The following TMEM156 variants were observed in gnomAD, a reference collection of about 807,000 sequenced individuals.
The protein encoded by TMEM156 is transmembrane protein 156.
In TMEM156, 28 loss-of-function variants were observed where a neutral mutation model predicts 30.5. That is an observed-to-expected ratio of 0.92 (90% CI 0.68 to 1.26). The LOEUF is 1.26. Among genes scored for constraint, TMEM156 ranks in the 50% most tolerant of loss-of-function variants. The pLI is 0.00. For missense variants in TMEM156, 351 were observed against 340.6 expected (o/e 1.03, Z -0.24); for synonymous variants, 137 against 119.9 (o/e 1.14, Z -0.93).
chr4:38,967,193 CTTTTAA>C lies in TMEM156; in HGVS notation c.*481_*486del, dbSNP rs959238800. The C allele has an allele frequency of 6.6e-6, 1 of 152,138 alleles. No individual in the cohort carries two copies. Among genetic ancestry groups the C allele is most frequent in the African/African-American group, 2.4e-5 (1 of 41,418 alleles). The allele number at this position is 152,138 out of a possible 1,614,324, so 9.4% of individuals were successfully genotyped here. ...TAAATAAACAACCAGGCCCTCTTCC[CTTTTAA>C]ATAATCTGTGAAATAAAAATAATCT... On this transcript the variant is annotated 3_prime_UTR_variant, in exon 7 of 7. Coordinates refer to ENST00000381938, the MANE Select transcript of TMEM156 (RefSeq NM_024943.3).
intron 5 of TMEM156, among the ~76,000 whole-genome samples, chr4:38,974,120 G>C (rs1305478238): frequency 1.3e-5 from 2 of 151,352 alleles, no homozygotes; most frequent in Non-Finnish European, 2.9e-5. Context: ...TGTGCTACTG[G>C]ATTGCTAATG....
At chr4:39,008,197 C>T (rs933230081) in intron 1 of TMEM156, among the ~76,000 whole-genome samples, 26 of 152,184 alleles carry the variant, frequency 1.7e-4, no homozygotes, top group African/African-American at 6.3e-4. Context: ...TTCTTGCTTG[C>T]TCCTGATTTT....
At chr4:39,016,902 AG>A (rs1193682267) in intron 1 of TMEM156, among the ~76,000 whole-genome samples, 9 of 152,142 alleles carry the variant, frequency 5.9e-5, no homozygotes, top group Non-Finnish European at 8.8e-5. Flanking sequence ...ATGGCTGGGG[AG>A]GCCTCACAAT....
intron 3 of TMEM156, among the ~76,000 whole-genome samples, chr4:38,992,882 C>T (rs1712633512): frequency 6.7e-6 from 1 of 150,272 alleles, no homozygotes; most frequent in African/African-American, 2.5e-5. Context: ...CTGCCTCAGC[C>T]TCACAAGTAC....
chr4:39,024,572 G>A (rs529500461), intron 1 of TMEM156, among the ~76,000 whole-genome samples: 23 of 152,224 alleles, frequency 1.5e-4, no homozygotes, highest in Non-Finnish European at 2.9e-4. Context: ...AAATAACACA[G>A]GAACAGAAAA....
At chr4:38,973,470 T>C (rs920102544) in intron 5 of TMEM156, among the ~76,000 whole-genome samples, 8 of 152,192 alleles carry the variant, frequency 5.3e-5, no homozygotes, top group Admixed American at 1.3e-4. Context: ...TTTATAATTG[T>C]TTTAAATACA....
chr4:39,031,905 A>AAAAAAAAAAAAAAAAAAAAAAAAAC (rs60499521), intron 1 of TMEM156, among the ~76,000 whole-genome samples: 2 of 129,254 alleles, frequency 1.5e-5, no homozygotes, highest in African/African-American at 2.9e-5. Context: ...AAATAAAAAA[A>AAAAAAAAAAAAAAAAAAAAAAAAAC]TAAAAAAAAA....
At chr4:38,997,462 C>T (rs562357409) in intron 2 of TMEM156, among the ~76,000 whole-genome samples, 2 of 151,950 alleles carry the variant, frequency 1.3e-5, no homozygotes, top group Non-Finnish European at 2.9e-5. Flanking sequence ...ACATAAATGC[C>T]CAATAAGTAC....
chr4:38,988,063 C>T (rs1182565113), intron 4 of TMEM156, among the ~76,000 whole-genome samples: 1 of 152,162 alleles, frequency 6.6e-6, no homozygotes, highest in East Asian at 1.9e-4. Flanking sequence ...CTAGGTCATA[C>T]GAGTTATTAA....
chr4:38,979,009 C>T (rs1054452918), intron 5 of TMEM156, among the ~76,000 whole-genome samples: 13 of 152,204 alleles, frequency 8.5e-5, no homozygotes, highest in Non-Finnish European at 1.5e-4. Context: ...ACTTCCCACA[C>T]GGATCTGTCT....
chr4:38,990,476 G>C (rs534749049), intron 3 of TMEM156, among the ~76,000 whole-genome samples: 1 of 152,268 alleles, frequency 6.6e-6, no homozygotes, highest in Admixed American at 6.5e-5. Context: ...AAAGACCAAG[G>C]TGTCATTGGG....
At chr4:39,030,431 A>T (rs1715446554) in intron 1 of TMEM156, among the ~76,000 whole-genome samples, 1 of 152,160 alleles carries the variant, frequency 6.6e-6, no homozygotes, top group African/African-American at 2.4e-5. Context: ...GGATTTTATA[A>T]GAGCTCTTTC....
chr4:38,973,640 G>A (rs181979070), intron 5 of TMEM156, among the ~76,000 whole-genome samples: 16 of 152,040 alleles, frequency 1.1e-4, no homozygotes, highest in African/African-American at 3.6e-4. Context: ...TGCAGAATAC[G>A]TGATCATTTT....
At chr4:39,024,255 T>C (rs1207126250) in intron 1 of TMEM156, among the ~76,000 whole-genome samples, 1 of 152,160 alleles carries the variant, frequency 6.6e-6, no homozygotes, top group Non-Finnish European at 1.5e-5. Flanking sequence ...GGCTGGTCTC[T>C]AATTCCTGAC....
At chr4:38,990,829 G>GTTTTTTTTTTTTTTTTT (rs1712371691) in intron 3 of TMEM156, among the ~76,000 whole-genome samples, 1 of 84,518 alleles carries the variant, frequency 1.2e-5, no homozygotes, top group Admixed American at 1.4e-4. Flanking sequence ...TTTGTTTTCT[G>GTTTTTTTTTTTTTTTTT]GTTTTTTTTT....
In TMEM156 at chr4:38,998,678, C is replaced by T. The variant is rs775330615; in HGVS notation, c.320G>A (p.Gly107Glu). Residue 107 changes from glycine to glutamate, a missense_variant, in exon 2 of 7, where the codon GGA becomes GAA. By Grantham distance (98) the Gly-to-Glu change is moderately conservative. Coordinates refer to ENST00000381938, the MANE Select transcript of TMEM156 (RefSeq NM_024943.3). ...TTCCTGAGAAATAAAATCCATGTTTCCTTTAGACTCACAAACCAAACACGA... is the reference window on the plus strand; with the variant it reads ...TTCCTGAGAAATAAAATCCATGTTTTCTTTAGACTCACAAACCAAACACGA... ...CSSCLVCESKGNMDFISQEQT... is the reference protein window; with the variant it reads ...CSSCLVCESKENMDFISQEQT... 2.0e-5 allele frequency: 33 copies of T among 1,612,576 alleles called. No homozygotes were observed. The Admixed American group carries it at 5.2e-4, about 25-fold the overall frequency.
chr4:39,022,969 A>T (rs892490572), intron 1 of TMEM156, among the ~76,000 whole-genome samples: 6 of 152,196 alleles, frequency 3.9e-5, no homozygotes, highest in African/African-American at 1.4e-4. Flanking sequence ...CTTCTTGTAA[A>T]ATTAAACGTA....
Position 39,022,181 on chromosome 4 carries a change from C to T in TMEM156, c.88+10045G>A, listed in dbSNP as rs369723188. ...CCTGGATTGGACTTTTCACACGTCA[C>T]AGGTAATGATTCTCAACATCCAAGT... On this transcript the variant is annotated intron_variant, in intron 1 of 6. Transcript: ENST00000381938. 1.1e-4 allele frequency among the ~76,000 whole-genome samples: 17 copies of T among 152,278 alleles called. 1 individual carries two copies. The South Asian group carries it at 3.3e-3, about 30-fold the overall frequency.
chr4:38,981,515 G>A (rs1174180243), intron 5 of TMEM156, among the ~76,000 whole-genome samples: 1 of 152,138 alleles, frequency 6.6e-6, no homozygotes, highest in Non-Finnish European at 1.5e-5. Flanking sequence ...AAATGCAAAA[G>A]AGCAGGAAGG....
Sources: allele counts gnomAD v4.1 joint callset (sites outside exome capture counted in the v4.1 genomes callset), GRCh38; gene constraint gnomAD v4.1.1; transcripts MANE v1.5; gene names NCBI Gene and HGNC (gene_info 2026-07-23, HGNC 2026-07-21).